RNF150: variants seen among roughly 807,000 people sequenced by gnomAD.
The protein encoded by RNF150 is ring finger protein 150.
A neutral mutation model predicts 39.3 loss-of-function variants in RNF150; 24 were observed. The ratio of observed to expected loss-of-function variants is 0.61; its 90% CI spans 0.44 to 0.86. RNF150 has a LOEUF of 0.86. Among genes scored for constraint, RNF150 ranks in the 40% least tolerant of loss-of-function variants. The probability of loss-of-function intolerance (pLI) is 0.00; values close to 1 mark genes in which losing one functional copy is unlikely to be tolerated. For synonymous variants in RNF150, 255 were observed against 227.3 expected (o/e 1.12, Z -1.10); for missense variants, 502 against 587.8 (o/e 0.85, Z 1.51).
At chr4:140,914,231 A>C (rs1730727190) in intron 5 of RNF150, among the ~76,000 whole-genome samples, 1 of 152,248 alleles carries the variant, frequency 6.6e-6, no homozygotes, top group Non-Finnish European at 1.5e-5. Context: ...AATGGTAGCA[A>C]GCACAAATAA....
intron 5 of RNF150, among the ~76,000 whole-genome samples, chr4:140,923,057 T>C (rs1362791292): frequency 3.3e-5 from 5 of 150,690 alleles, no homozygotes; most frequent in African/African-American, 1.0e-4. Flanking sequence ...GACATAGGCA[T>C]GGGCAAGGAC....
intron 1 of RNF150, among the ~76,000 whole-genome samples, chr4:141,000,787 A>C (rs1170744639): frequency 9.2e-5 from 14 of 152,198 alleles, no homozygotes; most frequent in African/African-American, 3.4e-4. Context: ...TTTTGTTGGG[A>C]GGGAGGCCAC....
rs397995597 is a variant in RNF150, at chr4:141,012,781, CAAAAAAAAA to C, written c.485-44917_485-44909del. The stretch of plus-strand genomic sequence containing the variant: ...CTGGTGACAGAGTAAGACTCTGTCT[CAAAAAAAAA>C]AAAAAAAAAAAAGGCATCCCCTACT... On this transcript the variant is annotated intron_variant, in intron 1 of 6. Coordinates refer to ENST00000515673, the MANE Select transcript of RNF150 (RefSeq NM_020724.2). 7.0e-5 allele frequency among the ~76,000 whole-genome samples: 5 copies of C among 71,432 alleles called. No homozygotes were observed. In the East Asian group the frequency reaches 2.0e-3, roughly 29 times the overall value. The allele number at this position is 71,432 out of a possible 152,430, so 46.9% of individuals were successfully genotyped here.
chr4:140,957,465 G>A (rs1247836907), intron 2 of RNF150, among the ~76,000 whole-genome samples: 11 of 152,130 alleles, frequency 7.2e-5, no homozygotes, highest in East Asian at 1.9e-4. Context: ...ACTGTAAACT[G>A]GTTCAACCAT....
chr4:141,153,487 C>T (rs994680069), intron 1 of RNF150, among the ~76,000 whole-genome samples: 1 of 152,170 alleles, frequency 6.6e-6, no homozygotes, highest in Non-Finnish European at 1.5e-5. Context: ...ACCCTGCTGA[C>T]ACCTTGATCT....
chr4:140,883,151 T>C (rs1450309763), intron 6 of RNF150, among the ~76,000 whole-genome samples: 4 of 152,174 alleles, frequency 2.6e-5, no homozygotes, highest in Admixed American at 2.0e-4. Flanking sequence ...ATGCCACATA[T>C]AAAAACTCTA....
At chr4:140,962,237 T>G (rs1263857621) in intron 2 of RNF150, among the ~76,000 whole-genome samples, 1 of 151,984 alleles carries the variant, frequency 6.6e-6, no homozygotes. Context: ...TTTTCTTCAG[T>G]CTAGAGCTGT....
At chr4:141,190,258 G>A (rs1454421308) in intron 1 of RNF150, among the ~76,000 whole-genome samples, 1 of 152,178 alleles carries the variant, frequency 6.6e-6, no homozygotes, top group Non-Finnish European at 1.5e-5. Context: ...GCAGACCAGA[G>A]CTGTTCCTAT....
intron 4 of RNF150, chr4:140,944,695 G>A (rs1016123157): frequency 6.6e-6 from 1 of 152,176 alleles, no homozygotes. Flanking sequence ...CACCAAGAAT[G>A]TCAGCAGTTA....
chr4:141,075,233 C>T (rs188130235), intron 1 of RNF150, among the ~76,000 whole-genome samples: 1 of 152,344 alleles, frequency 6.6e-6, no homozygotes, highest in Admixed American at 6.5e-5. Flanking sequence ...CTATTCAACT[C>T]TGCACTGTAA....
chr4:141,120,033 T>C (rs1039931487), intron 1 of RNF150, among the ~76,000 whole-genome samples: 2 of 152,256 alleles, frequency 1.3e-5, no homozygotes, highest in Non-Finnish European at 2.9e-5. Flanking sequence ...ATGGTACCTA[T>C]TGTATCATTC....
intron 1 of RNF150, among the ~76,000 whole-genome samples, chr4:141,077,682 C>T (rs986456843): frequency 6.6e-6 from 1 of 152,198 alleles, no homozygotes; most frequent in African/African-American, 2.4e-5. Context: ...AGGGAGATTC[C>T]AGCCTTCTTT....
At chr4:140,924,576 GAC>G (rs1731312451) in intron 5 of RNF150, among the ~76,000 whole-genome samples, 1 of 152,132 alleles carries the variant, frequency 6.6e-6, no homozygotes, top group Admixed American at 6.5e-5. Context: ...GGAGACCATA[GAC>G]ACACATACAC....
At chr4:140,903,240 T>C (rs2278137) in intron 6 of RNF150, among the ~76,000 whole-genome samples, 60,447 of 151,956 alleles carry the variant, frequency 0.4, 13,447 homozygotes, top group African/African-American at 0.59. Context: ...GTGGTATCAG[T>C]TTACCTCAAG....
chr4:140,981,721 G>A (rs1422992858), intron 1 of RNF150, among the ~76,000 whole-genome samples: 1 of 152,164 alleles, frequency 6.6e-6, no homozygotes, highest in African/African-American at 2.4e-5. Context: ...GTGATGCTGT[G>A]TTTTGTTTAA....
At chr4:140,975,050 G>C (rs1004557724) in intron 1 of RNF150, among the ~76,000 whole-genome samples, 12 of 152,098 alleles carry the variant, frequency 7.9e-5, no homozygotes, top group Admixed American at 4.6e-4. Flanking sequence ...CAGTTCAGGA[G>C]TTCGAGACCA....
chr4:141,017,170 T>C (rs984754311), intron 1 of RNF150, among the ~76,000 whole-genome samples: 1 of 152,120 alleles, frequency 6.6e-6, no homozygotes, highest in Non-Finnish European at 1.5e-5. Flanking sequence ...TGATTGTTAT[T>C]CAAGCCCCTC....
chr4:141,205,572 G>C (rs956718268), intron 1 of RNF150, among the ~76,000 whole-genome samples: 11 of 152,134 alleles, frequency 7.2e-5, no homozygotes, highest in Non-Finnish European at 5.9e-5. Context: ...ATATGTTCCA[G>C]GGTTTGTTCA....
chr4:141,200,816 T>C (rs537133109), intron 1 of RNF150, among the ~76,000 whole-genome samples: 15 of 152,218 alleles, frequency 9.9e-5, no homozygotes, highest in Non-Finnish European at 1.8e-4. Flanking sequence ...CTTTTGGTTT[T>C]AAAGAAGAAC....
Sources: gnomAD v4.1 joint callset for allele counts (sites outside exome capture counted in the v4.1 genomes callset) on GRCh38, gnomAD v4.1.1 for gene constraint, MANE v1.5 for transcripts, NCBI Gene and HGNC (gene_info 2026-07-23, HGNC 2026-07-21) for gene names.